The following AP3D1 variants were observed in gnomAD, a reference collection of about 807,000 sequenced individuals.
AP3D1 encodes adaptor related protein complex 3 subunit delta 1.
AP3D1 carries 51 observed loss-of-function variants against 147.6 expected under a neutral mutation model. The ratio of observed to expected loss-of-function variants is 0.35; its 90% CI spans 0.28 to 0.44. The LOEUF is 0.44. Among genes scored for constraint, AP3D1 ranks in the 20% least tolerant of loss-of-function variants. AP3D1 has a pLI of 1.00. For synonymous variants in AP3D1, 760 were observed against 663.0 expected (o/e 1.15, Z -2.25); for missense variants, 1,421 against 1,624.2 (o/e 0.87, Z 2.15).
chr19:2,139,088 G>C (rs997797822), intron 1 of AP3D1, among the ~76,000 whole-genome samples: 6 of 137,246 alleles, frequency 4.4e-5, no homozygotes, highest in African/African-American at 1.6e-4. Flanking sequence ...AAAAAAAAAG[G>C]AAAGAAGCCA....
chr19:2,143,833 A>G (rs890452586), intron 1 of AP3D1, among the ~76,000 whole-genome samples: 2 of 151,716 alleles, frequency 1.3e-5, no homozygotes, highest in African/African-American at 2.4e-5. Context: ...CACGCCTGTA[A>G]TCCCAGCACT....
At chr19:2,108,237 CA>C (rs2018165802) in intron 31 of AP3D1, among the ~76,000 whole-genome samples, 1 of 152,218 alleles carries the variant, frequency 6.6e-6, no homozygotes, top group Non-Finnish European at 1.5e-5. Flanking sequence ...CAAAAGCCCT[CA>C]ACAAAATATT....
intron 15 of AP3D1, among the ~76,000 whole-genome samples, chr19:2,118,090 A>G (rs1468294389): frequency 6.6e-6 from 1 of 152,150 alleles, no homozygotes; most frequent in African/African-American, 2.4e-5. Flanking sequence ...AACCCAGGGG[A>G]TGGAGGTTGT....
At chr19:2,151,889 G>T (rs972854177), upstream of AP3D1, among the ~76,000 whole-genome samples, 1 of 152,230 alleles carries the variant, frequency 6.6e-6, no homozygotes, top group African/African-American at 2.4e-5. Flanking sequence ...TGGGCGGGGC[G>T]CCCACGTGGA....
At chr19:2,109,502 T>TAGG in intron 29 of AP3D1, 1 of 486,770 alleles carries the variant, frequency 2.1e-6, no homozygotes, top group Non-Finnish European at 3.7e-6. Context: ...GGGGATAGGC[T>TAGG]AGGATGCAGG....
At position 2,121,913 on chromosome 19, in the gene AP3D1, C is replaced by T. The variant is rs771320270; in HGVS notation, c.956-34G>A. 1.0e-5 allele frequency: 16 copies of T among 1,579,010 alleles called. No individual in the cohort carries two copies. The African/African-American group carries it at 1.5e-4, about 15-fold the overall frequency. ...AGAGGCCAGAGCCGGGTCACTGGGACGGACACAGGCAGCAGGGTGCAGGCA... is the reference window on the plus strand; with the variant it reads ...AGAGGCCAGAGCCGGGTCACTGGGATGGACACAGGCAGCAGGGTGCAGGCA... On this transcript the variant is annotated intron_variant, in intron 11 of 31. Transcript: ENST00000643116.
chr19:2,162,033 GTTT>G (rs1186533323), intron 1 of AP3D1, among the ~76,000 whole-genome samples: 4 of 130,682 alleles, frequency 3.1e-5, no homozygotes, highest in Admixed American at 1.6e-4. Context: ...AGCCCATTGA[GTTT>G]TTTTTTTTTT....
At chr19:2,120,795 C>T (rs867382962) in intron 14 of AP3D1, 67 bp downstream of exon 14, 32 of 1,475,334 alleles carry the variant, frequency 2.2e-5, no homozygotes, top group Middle Eastern at 2.3e-4. Flanking sequence ...CTGCCAGGCA[C>T]ATCCCTGGTC....
At chr19:2,134,383 T>C (rs1485229136) in intron 4 of AP3D1, among the ~76,000 whole-genome samples, 1 of 151,500 alleles carries the variant, frequency 6.6e-6, no homozygotes, top group Non-Finnish European at 1.5e-5. Context: ...ATTGCGCTAC[T>C]GCTCTCCAGC....
At chr19:2,132,634 G>T in intron 4 of AP3D1, 56 bp from the exon 5 acceptor site, 1 of 1,496,472 alleles carries the variant, frequency 6.7e-7, no homozygotes, top group Non-Finnish European at 9.3e-7. Flanking sequence ...CACATCCGAC[G>T]CCTGGGTCAC....
chr19:2,121,745 G>T lies in AP3D1; in HGVS notation c.1090C>A (p.Leu364Ile), dbSNP rs756885566. 3.1e-6 allele frequency: 5 copies of T among 1,603,734 alleles called. No homozygotes were observed. In the South Asian group the frequency reaches 5.6e-5, roughly 18 times the overall value. Residue 364 changes from leucine (L) to isoleucine (I), a missense_variant, in exon 12 of 32, where the codon CTC (leucine) becomes ATC (isoleucine). Around this residue, in one of 6 missense-constraint regions of AP3D1, gnomAD observed 310 missense variants for 388.1 expected, o/e 0.80. Transcript: ENST00000643116. ...CAGAGGGCACGCACCATCCCATAGA[G>T]CAGGTCCAGGGCCCGCAGCCGGATG... is the stretch of plus-strand genomic sequence containing the variant. The part of the protein sequence containing the change: ...ESIRLRALDL[L>I]YGMVSKKNLM...
chr19:2,130,547 A>G lies in AP3D1; in HGVS notation c.463-10T>C, dbSNP rs774254719. On this transcript the variant is annotated splice_polypyrimidine_tract_variant and intron_variant, in intron 5 of 31. Transcript: ENST00000643116. ...GCTTGGTGTGTGACATCTGCGGGGC[A>G]GCGGGCTTCAGCCTGCGCGGGCTTT... 1 of 1,613,522 alleles carries G rather than the reference A, an allele frequency of 6.2e-7. No homozygotes were observed. The highest frequency in any genetic ancestry group is 8.5e-7 in the Non-Finnish European group (1 of 1,179,662).
At chr19:2,132,175 AC>A (rs2018968806) in intron 5 of AP3D1, among the ~76,000 whole-genome samples, 1 of 152,162 alleles carries the variant, frequency 6.6e-6, no homozygotes, top group African/African-American at 2.4e-5. Context: ...GGCAGCTCAG[AC>A]AGGAGCCACT....
At chr19:2,111,530 G>A (rs776425630) in intron 25 of AP3D1, 149 bp downstream of exon 25, 28 of 1,243,258 alleles carry the variant, frequency 2.3e-5, no homozygotes, top group South Asian at 3.0e-5. Flanking sequence ...GTGGGGCTGC[G>A]GGCCAGGGCC....
intron 30 of AP3D1, 50 bp from the exon 31 acceptor site, chr19:2,108,816 GC>G: frequency 6.5e-7 from 1 of 1,536,814 alleles, no homozygotes; most frequent in Non-Finnish European, 8.8e-7. Flanking sequence ...CATGGCTGCA[GC>G]CCCACCCCCA....
rs564812326 is a variant in AP3D1, at chr19:2,123,707, C to T, written c.906+123G>A. 148 of 1,250,328 alleles carry T rather than the reference C, an allele frequency of 1.2e-4. 3 individuals carry two copies. The South Asian group carries it at 1.9e-3, about 16-fold the overall frequency. 77.5% of individuals were successfully genotyped at this position (1,250,328 alleles called of 1,614,324 possible). The stretch of plus-strand genomic sequence containing the variant: ...CACACAGGACGCGGCTGTGCCCTCC[C>T]AAGCCGCAAGATGGCGTGGGGGGAC... On this transcript the variant is annotated intron_variant, in intron 10 of 31. Transcript: ENST00000643116.
At position 2,116,196 on chromosome 19, in the gene AP3D1, A is replaced by G. The variant is rs776813634; in HGVS notation, c.2073+11T>C. On this transcript the variant is annotated intron_variant, in intron 18 of 31. Transcript: ENST00000643116. Reference sequence around the variant, plus strand: ...GGTGCTGAGGGACAGGCACCCGGGGACGGGCCTCACCTTCTGTGGCGATGG... The same window carrying G: ...GGTGCTGAGGGACAGGCACCCGGGGGCGGGCCTCACCTTCTGTGGCGATGG... 1.5e-5 allele frequency: 24 copies of G among 1,613,764 alleles called. No homozygotes were observed. The South Asian group carries it at 2.5e-4, about 17-fold the overall frequency.
chr19:2,132,425 T>C (rs767276712), intron 5 of AP3D1, 46 bp downstream of exon 5: 45 of 1,542,598 alleles, frequency 2.9e-5, no homozygotes, highest in Non-Finnish European at 3.9e-5. Context: ...ACCGAGTTTT[T>C]CCCAGAGCAG....
intron 1 of AP3D1, among the ~76,000 whole-genome samples, chr19:2,157,591 A>T (rs977392503): frequency 1.1e-4 from 17 of 149,646 alleles, no homozygotes; most frequent in Non-Finnish European, 2.1e-4. Flanking sequence ...CCACCCACCG[A>T]CTCATCCATC....
Sources: gnomAD v4.1 joint callset for allele counts (sites outside exome capture counted in the v4.1 genomes callset) on GRCh38, gnomAD v4.1.1 for gene constraint, gnomAD v4.1.1 regional missense constraint, MANE v1.5 for transcripts, NCBI Gene and HGNC (gene_info 2026-07-23, HGNC 2026-07-21) for gene names.